CERS3: variants seen among roughly 807,000 people sequenced by gnomAD.
CERS3 encodes the protein LAG1 homolog, ceramide synthase 3.
CERS3 carries 33 observed loss-of-function variants against 50.3 expected under a neutral mutation model. The ratio of observed to expected loss-of-function variants is 0.66; its 90% CI spans 0.50 to 0.88. CERS3 has a LOEUF of 0.88. CERS3 is among the 40% of genes least tolerant of loss of function. The pLI is 0.00. For missense variants in CERS3, 470 were observed against 460.3 expected (o/e 1.02, Z -0.19); for synonymous variants, 176 against 155.2 (o/e 1.13, Z -0.99).
intron 1 of CERS3, chr15:100,544,505 G>GACCTC (rs1199951146): frequency 1.3e-5 from 2 of 152,014 alleles, no homozygotes; most frequent in African/African-American, 4.9e-5. Context: ...ACCTGGGCCT[G>GACCTC]CGCGGGGACG....
chr15:100,486,331 G>A (rs1329157681), intron 4 of CERS3, among the ~76,000 whole-genome samples: 3 of 152,218 alleles, frequency 2.0e-5, no homozygotes, highest in African/African-American at 7.2e-5. Context: ...GCAGGAAGCT[G>A]AAAACAGAAG....
At chr15:100,492,555 T>C (rs1019659481) in intron 3 of CERS3, among the ~76,000 whole-genome samples, 1 of 152,226 alleles carries the variant, frequency 6.6e-6, no homozygotes, top group Non-Finnish European at 1.5e-5. Flanking sequence ...TTGCATGGTA[T>C]ATCTTTTTCC....
upstream of CERS3, among the ~76,000 whole-genome samples, chr15:100,530,024 T>TACTTCTC (rs1427045408): frequency 1.3e-5 from 2 of 152,232 alleles, no homozygotes; most frequent in African/African-American, 4.8e-5. Flanking sequence ...TTTCACTGGG[T>TACTTCTC]ACTTCTCACT....
At chr15:100,543,912 G>A (rs889866456) in intron 1 of CERS3, among the ~76,000 whole-genome samples, 24 of 152,322 alleles carry the variant, frequency 1.6e-4, no homozygotes, top group Admixed American at 1.3e-3. Flanking sequence ...TTGAGAATAA[G>A]TAAAAGGGTA....
chr15:100,518,543 A>T (rs2036556408), intron 2 of CERS3, among the ~76,000 whole-genome samples: 1 of 152,246 alleles, frequency 6.6e-6, no homozygotes, highest in Non-Finnish European at 1.5e-5. Flanking sequence ...AAAAATAAAA[A>T]TTTCCAGACT....
chr15:100,498,221 G>T (rs1170779699), intron 3 of CERS3, among the ~76,000 whole-genome samples: 5 of 152,066 alleles, frequency 3.3e-5, no homozygotes, highest in Non-Finnish European at 7.4e-5. Context: ...ACAGAACAGA[G>T]TATAGATATA....
chr15:100,418,306 C>G (rs543763388), intron 11 of CERS3, among the ~76,000 whole-genome samples: 2 of 151,688 alleles, frequency 1.3e-5, no homozygotes, highest in Admixed American at 6.6e-5. Flanking sequence ...GAAGCCGATG[C>G]GATCAACTGG....
intron 10 of CERS3, among the ~76,000 whole-genome samples, chr15:100,464,879 G>A (rs1313339755): frequency 1.3e-5 from 2 of 152,108 alleles, no homozygotes. Context: ...GAAAACCAAC[G>A]TAACTAACTC....
rs372176459 is a variant in CERS3 at position 100,426,795 on chromosome 15, C to T, written c.1000-23930G>A. Among the ~76,000 whole-genome samples, 10 of 152,164 alleles carry T rather than the reference C, an allele frequency of 6.6e-5. No homozygotes were observed. The East Asian group carries it at 1.2e-3, about 18-fold the overall frequency. On this transcript the variant is annotated intron_variant, in intron 11 of 11. Coordinates refer to ENST00000679737, the MANE Select transcript of CERS3 (RefSeq NM_001378789.1). The stretch of plus-strand genomic sequence containing the variant: ...ACAGTCTTTAAACTCTAGTCTCCTC[C>T]CCTTAACACCACCTTTTTCTCTGGC...
At chr15:100,418,062 C>A (rs904269243) in intron 11 of CERS3, among the ~76,000 whole-genome samples, 56 of 152,128 alleles carry the variant, frequency 3.7e-4, no homozygotes, top group Admixed American at 7.8e-4. Context: ...TCACCAGCAA[C>A]GGAACAAAGC....
chr15:100,488,280 G>C (rs2035545963), intron 4 of CERS3, among the ~76,000 whole-genome samples: 1 of 152,216 alleles, frequency 6.6e-6, no homozygotes, highest in South Asian at 2.1e-4. Flanking sequence ...GCCTATAGCT[G>C]CTGAAGAAGC....
intron 2 of CERS3, among the ~76,000 whole-genome samples, chr15:100,506,217 A>C (rs1314520163): frequency 6.6e-6 from 1 of 152,242 alleles, no homozygotes; most frequent in East Asian, 1.9e-4. Context: ...TGTGGTTAGA[A>C]TATGTAAAGG....
chr15:100,502,251 G>GAAAAAAAAAAAAAAAA (rs58654483), intron 2 of CERS3, among the ~76,000 whole-genome samples: 4 of 113,698 alleles, frequency 3.5e-5, no homozygotes, highest in African/African-American at 1.0e-4. Context: ...CTCAAAAAAA[G>GAAAAAAAAAAAAAAAA]AAAAAAAAAA....
At chr15:100,471,565 C>T (rs992157898) in intron 9 of CERS3, among the ~76,000 whole-genome samples, 1 of 152,026 alleles carries the variant, frequency 6.6e-6, no homozygotes, top group Admixed American at 6.6e-5. Context: ...ATTCTTAAGT[C>T]GGGGCCAGTG....
chr15:100,426,830 T>A (rs1223592300), intron 11 of CERS3, among the ~76,000 whole-genome samples: 1 of 152,172 alleles, frequency 6.6e-6, no homozygotes, highest in East Asian at 1.9e-4. Flanking sequence ...CCTTCCATAA[T>A]TTAGCAAATG....
chr15:100,441,528 G>A (rs963516198), intron 11 of CERS3, among the ~76,000 whole-genome samples: 2 of 151,222 alleles, frequency 1.3e-5, no homozygotes, highest in South Asian at 2.1e-4. Flanking sequence ...CCTTCACTAT[G>A]GGCAACCTTC....
intron 11 of CERS3, among the ~76,000 whole-genome samples, chr15:100,445,440 T>A: frequency 6.6e-6 from 1 of 152,242 alleles, no homozygotes; most frequent in Non-Finnish European, 1.5e-5. Flanking sequence ...GCACCTCCTT[T>A]GGCACTCTCT....
intron 1 of CERS3, among the ~76,000 whole-genome samples, chr15:100,535,432 A>G (rs964685884): frequency 6.6e-5 from 10 of 152,286 alleles, no homozygotes; most frequent in Non-Finnish European, 1.5e-4. Flanking sequence ...GAATAAAAAT[A>G]TAGCATGACT....
At chr15:100,438,379 T>C (rs1298868793) in intron 11 of CERS3, among the ~76,000 whole-genome samples, 1 of 152,132 alleles carries the variant, frequency 6.6e-6, no homozygotes, top group Non-Finnish European at 1.5e-5. Flanking sequence ...TTTGAAATTT[T>C]TGTGGGTACC....
Sources: gnomAD v4.1 joint callset for allele counts (sites outside exome capture counted in the v4.1 genomes callset) on GRCh38, gnomAD v4.1.1 for gene constraint, MANE v1.5 for transcripts, NCBI Gene and HGNC (gene_info 2026-07-23, HGNC 2026-07-21) for gene names.